AGPAT3: variants seen among roughly 807,000 people sequenced by gnomAD.
The protein encoded by AGPAT3 is 1-acylglycerol-3-phosphate O-acyltransferase 3.
A neutral mutation model predicts 47.3 loss-of-function variants in AGPAT3; 5 were observed. That is an observed-to-expected ratio of 0.11 (90% CI 0.06 to 0.22). AGPAT3 has a LOEUF of 0.22. Among genes scored for constraint, AGPAT3 ranks in the 10% least tolerant of loss-of-function variants. The probability of loss-of-function intolerance (pLI) is 1.00; values close to 1 mark genes in which losing one functional copy is unlikely to be tolerated. For synonymous variants in AGPAT3, 212 were observed against 208.3 expected (o/e 1.02, Z -0.15); for missense variants, 315 against 493.0 (o/e 0.64, Z 3.42).
chr21:43,873,719 T>TA (rs1347588805), intron 1 of AGPAT3, among the ~76,000 whole-genome samples: 4 of 152,222 alleles, frequency 2.6e-5, no homozygotes, highest in Non-Finnish European at 5.9e-5. Flanking sequence ...AATATTTTCT[T>TA]AATTTTTAAA....
intron 2 of AGPAT3, among the ~76,000 whole-genome samples, chr21:43,947,686 T>C (rs2146443571): frequency 7.1e-6 from 1 of 140,146 alleles, no homozygotes; most frequent in African/African-American, 2.4e-5. Context: ...CTGTTTCTTT[T>C]CTTTTCTTTT....
chr21:43,879,630 AGCAGTTTGTGAGGCT>A (rs1485530399), intron 1 of AGPAT3, among the ~76,000 whole-genome samples: 2 of 151,742 alleles, frequency 1.3e-5, no homozygotes, highest in Non-Finnish European at 2.9e-5. Context: ...GTTCTCCTTC[AGCAGTTTGTGAGGCT>A]GCACATGTGA....
At chr21:43,904,775 G>T (rs932434713) in intron 2 of AGPAT3, among the ~76,000 whole-genome samples, 7 of 152,166 alleles carry the variant, frequency 4.6e-5, no homozygotes, top group African/African-American at 1.7e-4. Flanking sequence ...GGTCCCTTCT[G>T]GGTGGCCCTG....
At chr21:43,974,353 CAT>C (rs1190178568) in intron 7 of AGPAT3, among the ~76,000 whole-genome samples, 5 of 150,580 alleles carry the variant, frequency 3.3e-5, no homozygotes, top group Non-Finnish European at 7.4e-5. Flanking sequence ...GTATAAATTA[CAT>C]ATGTGTATGG....
intron 1 of AGPAT3, among the ~76,000 whole-genome samples, chr21:43,892,238 C>T (rs1447098729): frequency 6.6e-6 from 1 of 150,812 alleles, no homozygotes; most frequent in South Asian, 2.1e-4. Context: ...ATCTGGGAGG[C>T]GGAGGTTGCA....
chr21:43,871,693 G>A (rs535819059), intron 1 of AGPAT3, among the ~76,000 whole-genome samples: 1 of 152,306 alleles, frequency 6.6e-6, no homozygotes, highest in East Asian at 1.9e-4. Context: ...CCTTCCCTGT[G>A]AAGTTCCTGT....
chr21:43,922,589 C>G lies in AGPAT3; in HGVS notation c.-49+18570C>G, dbSNP rs926427666. 6.6e-6 allele frequency among the ~76,000 whole-genome samples: 1 copy of G among 152,094 alleles called. No homozygotes were observed. Among genetic ancestry groups the G allele is most frequent in the Non-Finnish European group, 1.5e-5 (1 of 68,008 alleles). On this transcript the variant is annotated intron_variant, in intron 2 of 9. Transcript: ENST00000291572. The surrounding 1 kb of genome is among the most constrained non-coding windows in gnomAD (Gnocchi z 4.9). ...GGGCACAGAGACTCTGGGCCTGGGTCCCCCCCGGCACAGTCTGTGACCTGT... is the reference window on the plus strand; with the variant it reads ...GGGCACAGAGACTCTGGGCCTGGGTGCCCCCCGGCACAGTCTGTGACCTGT...
chr21:43,938,258 A>AGG (rs1045390265), intron 2 of AGPAT3, among the ~76,000 whole-genome samples: 42 of 151,596 alleles, frequency 2.8e-4, no homozygotes, highest in Non-Finnish European at 1.5e-4. Context: ...TTGGGATAGA[A>AGG]GGAACGTACT....
At chr21:43,893,407 A>C (rs1232523149) in intron 1 of AGPAT3, among the ~76,000 whole-genome samples, 1 of 152,162 alleles carries the variant, frequency 6.6e-6, no homozygotes. Context: ...GACCACTCGA[A>C]CTTTCTCCAT....
intron 2 of AGPAT3, among the ~76,000 whole-genome samples, chr21:43,907,154 C>G (rs8128394): frequency 0.11 from 16,049 of 151,778 alleles, 1,638 homozygotes; most frequent in African/African-American, 0.27. Flanking sequence ...CTGCCTCAGC[C>G]TCCCGGTAGC....
At position 43,985,029 on chromosome 21, in the gene AGPAT3, G is replaced by T. The variant is rs1228113961; in HGVS notation, c.*2637G>T. ...GCCTGTAGCTCCTGTTACCCACCCA[G>T]AGCCAGGCGCCACACTGGAGGCTCC... On this transcript the variant is annotated 3_prime_UTR_variant, in exon 10 of 10. Transcript: ENST00000291572. The T allele has an allele frequency of 6.8e-6, 3 of 444,208 alleles. No individual in the cohort carries two copies. Among genetic ancestry groups the T allele is most frequent in the African/African-American group, 6.1e-5 (3 of 49,500 alleles). 27.5% of individuals were successfully genotyped at this position (444,208 alleles called of 1,614,324 possible). A position where few individuals can be genotyped will look rare whatever the true frequency, so the allele number is the denominator to read the frequency against.
intron 2 of AGPAT3, among the ~76,000 whole-genome samples, chr21:43,910,789 G>A (rs1015813370): frequency 3.7e-4 from 57 of 152,334 alleles, no homozygotes; most frequent in Admixed American, 5.9e-4. Context: ...TGCAAGGGAA[G>A]CTTTTTTCTT....
chr21:43,959,956 G>T, intron 3 of AGPAT3, 97 bp downstream of exon 3: 1 of 1,356,560 alleles, frequency 7.4e-7, no homozygotes. Flanking sequence ...GGCAGGAAGT[G>T]AGGGCTATGC....
chr21:43,874,492 T>G (rs2085690897), intron 1 of AGPAT3, among the ~76,000 whole-genome samples: 1 of 152,264 alleles, frequency 6.6e-6, no homozygotes, highest in Non-Finnish European at 1.5e-5. Flanking sequence ...GATTTTAGGT[T>G]GTTTTTATTA....
At chr21:43,916,434 C>T (rs932792197) in intron 2 of AGPAT3, 5 of 152,028 alleles carry the variant, frequency 3.3e-5, no homozygotes, top group Non-Finnish European at 5.9e-5. Flanking sequence ...ACGAACATAT[C>T]GAATGACTAT....
chr21:43,931,004 G>A (rs1601337897), intron 2 of AGPAT3, among the ~76,000 whole-genome samples: 1 of 152,112 alleles, frequency 6.6e-6, no homozygotes, highest in Non-Finnish European at 1.5e-5. Flanking sequence ...CACGTCTGAG[G>A]CTCATCAGGG....
intron 2 of AGPAT3, among the ~76,000 whole-genome samples, chr21:43,921,265 C>T (rs2086885635): frequency 6.6e-6 from 1 of 152,194 alleles, no homozygotes; most frequent in South Asian, 2.1e-4. Flanking sequence ...CTGGACACCC[C>T]AGGCCTCGCC....
chr21:43,916,721 TG>T (rs1192385115), intron 2 of AGPAT3, among the ~76,000 whole-genome samples: 1 of 152,194 alleles, frequency 6.6e-6, no homozygotes, highest in African/African-American at 2.4e-5. Context: ...TAGATATGAT[TG>T]GTGTGTTTGG....
intron 2 of AGPAT3, among the ~76,000 whole-genome samples, chr21:43,945,929 A>AC (rs1270581879): frequency 3.3e-5 from 5 of 152,160 alleles, no homozygotes; most frequent in Admixed American, 3.3e-4. Flanking sequence ...TGGGGGCTGG[A>AC]CAGGGGTCAC....
Sources: allele counts gnomAD v4.1 joint callset (sites outside exome capture counted in the v4.1 genomes callset), GRCh38; gene constraint gnomAD v4.1.1; non-coding constraint Gnocchi (gnomAD v3.1); transcripts MANE v1.5; gene names NCBI Gene and HGNC (gene_info 2026-07-23, HGNC 2026-07-21).